The following EPS8 variants were observed in gnomAD, a reference collection of about 807,000 sequenced individuals.
EPS8 encodes the protein epidermal growth factor receptor kinase substrate 8.
In EPS8, 42 loss-of-function variants were observed where a neutral mutation model predicts 103.8. The observed-to-expected ratio is 0.40, with a 90% CI of 0.32 to 0.52. The LOEUF (loss-of-function observed/expected upper bound fraction) is 0.52, where lower values mean the gene tolerates loss of function less well. Among genes scored for constraint, EPS8 ranks in the 20% least tolerant of loss-of-function variants. The pLI is 0.40. For missense variants in EPS8, 969 were observed against 1,005.1 expected (o/e 0.96, Z 0.49); for synonymous variants, 344 against 344.6 (o/e 1.00, Z 0.02).
At chr12:15,660,512 C>T in intron 10 of EPS8, 102 bp downstream of exon 10, 1 of 726,332 alleles carries the variant, frequency 1.4e-6, no homozygotes, top group Non-Finnish European at 2.5e-6. Context: ...GATACACCCG[C>T]CTCGGCCTCC....
intron 3 of EPS8, among the ~76,000 whole-genome samples, chr12:15,677,175 C>T (rs1026807237): frequency 1.3e-5 from 2 of 152,148 alleles, no homozygotes; most frequent in Non-Finnish European, 2.9e-5. Flanking sequence ...AGTGACTCTC[C>T]AGTACCACTC....
At chr12:15,694,723 G>C (rs2135923865) in intron 1 of EPS8, among the ~76,000 whole-genome samples, 1 of 152,160 alleles carries the variant, frequency 6.6e-6, no homozygotes, top group East Asian at 1.9e-4. Context: ...CTCTTCTTGA[G>C]AGTTTACCTG....
At chr12:15,756,911 T>G (rs1008539543) in intron 1 of EPS8, among the ~76,000 whole-genome samples, 1 of 152,220 alleles carries the variant, frequency 6.6e-6, no homozygotes, top group Non-Finnish European at 1.5e-5. Flanking sequence ...AAAACAGCAT[T>G]GACCAGCCTT....
chr12:15,685,145 G>C (rs1002732524), intron 1 of EPS8, among the ~76,000 whole-genome samples: 3 of 152,116 alleles, frequency 2.0e-5, no homozygotes, highest in Non-Finnish European at 4.4e-5. Flanking sequence ...CTATAATTTG[G>C]GCCAGAACAG....
intron 1 of EPS8, among the ~76,000 whole-genome samples, chr12:15,766,454 C>T (rs1022724743): frequency 4.0e-5 from 6 of 149,180 alleles, no homozygotes; most frequent in South Asian, 2.1e-4. Context: ...GCCGAGATTG[C>T]GCCACTGCAC....
At chr12:15,742,846 T>C (rs1946839052) in intron 1 of EPS8, among the ~76,000 whole-genome samples, 1 of 152,172 alleles carries the variant, frequency 6.6e-6, no homozygotes, top group African/African-American at 2.4e-5. Context: ...CTTTGAAAAC[T>C]GGCACAAGAC....
At position 15,666,866 on chromosome 12, in the gene EPS8, G is replaced by A. The variant is rs182276461; in HGVS notation, c.517-344C>T. On this transcript the variant is annotated intron_variant, in intron 6 of 20. Transcript: ENST00000281172. ...AAGGGGTTAGAGGCTCCCACACATA[G>A]AACAGAGTTCCTTCCCTTTCTCATC... Among the ~76,000 whole-genome samples the A allele has an allele frequency of 5.7e-3, 866 of 152,252 alleles. 1 individual carries two copies. The highest frequency in any genetic ancestry group is 0.01 in the Middle Eastern group (3 of 294).
At chr12:15,659,730 C>T (rs892152903) in intron 10 of EPS8, among the ~76,000 whole-genome samples, 2 of 152,060 alleles carry the variant, frequency 1.3e-5, no homozygotes, top group Admixed American at 6.5e-5. Context: ...TCAATCTCTA[C>T]CATTTTGTCA....
chr12:15,724,849 C>T (rs140483655), intron 1 of EPS8, among the ~76,000 whole-genome samples: 1 of 152,260 alleles, frequency 6.6e-6, no homozygotes, highest in Non-Finnish European at 1.5e-5. Context: ...ACTGTGAGTC[C>T]ATTAAACCTC....
chr12:15,650,806 G>GT lies in EPS8; in HGVS notation c.1434+16dup, dbSNP rs1945399498. On this transcript the variant is annotated intron_variant, in intron 14 of 20. Coordinates refer to ENST00000281172, the MANE Select transcript of EPS8 (RefSeq NM_004447.6). ...AATTACACTGTCTACAGAGGGCAAT[G>GT]TTAAAAAAAAAACTACCTCTGTGGA... 6.3e-7 allele frequency: 1 copy of GT among 1,597,008 alleles called. No homozygotes were observed. Among genetic ancestry groups the GT allele is most frequent in the South Asian group, 1.1e-5 (1 of 90,132 alleles).
Position 15,760,767 on chromosome 12 carries a change from C to T in EPS8, c.-22+28394G>A, listed in dbSNP as rs1052364003. On this transcript the variant is annotated intron_variant, in intron 1 of 20. Transcript: ENST00000281172. The surrounding 1 kb of genome is among the most constrained non-coding windows in gnomAD (Gnocchi z 4.5). ...TTTAACATCCCTTCATGATAAAAAC[C>T]CTCAAAAAGCTGGGAACAGAAAGAA... Among the ~76,000 whole-genome samples, 7 of 151,926 alleles carry T rather than the reference C, an allele frequency of 4.6e-5. No individual in the cohort carries two copies. Among genetic ancestry groups the T allele is most frequent in the Non-Finnish European group, 8.8e-5 (6 of 67,852 alleles).
intron 10 of EPS8, 145 bp downstream of exon 10, chr12:15,660,469 G>GA: frequency 3.2e-6 from 2 of 616,626 alleles, no homozygotes. Flanking sequence ...TCATCACATT[G>GA]GTCAGGCTAG....
chr12:15,762,381 C>A lies in EPS8; in HGVS notation c.-22+26780G>T, dbSNP rs187503763. Among the ~76,000 whole-genome samples, 556 of 152,214 alleles carry A rather than the reference C, an allele frequency of 3.7e-3. 1 individual carries two copies. Among genetic ancestry groups the A allele is most frequent in the Middle Eastern group, 6.8e-3 (2 of 294 alleles). ...CGCTATGCAGAACAGTTTGGCGGTG[C>A]CTCAAAAAACTAAAAGGAGAGCTAC... On this transcript the variant is annotated intron_variant, in intron 1 of 20. Transcript: ENST00000281172. This position sits in a 1 kb window ranked among gnomAD's most constrained non-coding sequence, Gnocchi z 4.8.
Position 15,769,233 on chromosome 12 carries a change from AC to A in EPS8, c.-22+19927del, listed in dbSNP as rs1483617605. Among the ~76,000 whole-genome samples the A allele has an allele frequency of 5.3e-5, 8 of 152,244 alleles. No individual in the cohort carries two copies. Among genetic ancestry groups the A allele is most frequent in the African/African-American group, 1.9e-4 (8 of 41,468 alleles). Reference sequence around the variant, plus strand: ...GGCAAAATAAATTGACATATGCTTAACAAAAAGCACACAAAAAATAAGAGAT... The same window carrying A: ...GGCAAAATAAATTGACATATGCTTAAAAAAAGCACACAAAAAATAAGAGAT... On this transcript the variant is annotated intron_variant, in intron 1 of 20. Transcript: ENST00000281172. The surrounding 1 kb of genome is among the most constrained non-coding windows in gnomAD (Gnocchi z 4.6).
At chr12:15,699,729 T>TCC (rs1946288424) in intron 1 of EPS8, among the ~76,000 whole-genome samples, 2 of 152,184 alleles carry the variant, frequency 1.3e-5, no homozygotes, top group African/African-American at 2.4e-5. Context: ...AAACCCTCAT[T>TCC]CCCACCACTG....
chr12:15,623,370 T>C lies in EPS8; in HGVS notation c.2226-83A>G. 3.1e-6 allele frequency: 4 copies of C among 1,280,696 alleles called. No individual in the cohort carries two copies. The East Asian group carries it at 9.3e-5, about 30-fold the overall frequency. 79.3% of individuals were successfully genotyped at this position (1,280,696 alleles called of 1,614,324 possible). On this transcript the variant is annotated intron_variant, in intron 19 of 20. Transcript: ENST00000281172. ...GGAGAAAATTATCTGTTCCTGCTAG[T>C]AACTTCTCTTTTCTAAGCGTTCCAT...
rs907496206 is a variant in EPS8, at chr12:15,771,199, A to G, written c.-22+17962T>C. The stretch of plus-strand genomic sequence containing the variant: ...TAGAGATAAATTAAAAAGTTATTCC[A>G]AATATAGACAAGAGGGACACTGAAG... On this transcript the variant is annotated intron_variant, in intron 1 of 20. Coordinates refer to ENST00000281172, the MANE Select transcript of EPS8 (RefSeq NM_004447.6). This position sits in a 1 kb window ranked among gnomAD's most constrained non-coding sequence, Gnocchi z 4.6. Among the ~76,000 whole-genome samples the G allele has an allele frequency of 2.0e-5, 3 of 152,224 alleles. No individual in the cohort carries two copies. The highest frequency in any genetic ancestry group is 7.2e-5 in the African/African-American group (3 of 41,466).
Position 15,631,481 on chromosome 12 carries a change from C to T in EPS8, c.2005G>A (p.Val669Met), listed in dbSNP as rs773161130. 1.9e-5 allele frequency: 31 copies of T among 1,613,902 alleles called. No individual in the cohort carries two copies. The highest frequency in any genetic ancestry group is 5.5e-5 in the South Asian group (5 of 91,082). ...TGTTTGTGTCTCTGGCTGTCTCGCA[C>T]GATACTGCCACCACTGTCACTGGAG... ...SSSSDSGGSI[V>M]RDSQRHKQLP... The change falls in exon 18 of 21, where the codon GTG (valine) becomes ATG (methionine). Residue 669 changes from valine (V) to methionine (M), a missense_variant. Val to Met is a conservative substitution (Grantham distance 21). Coordinates refer to ENST00000281172, the MANE Select transcript of EPS8 (RefSeq NM_004447.6).
chr12:15,658,051 A>T (rs756914223), intron 12 of EPS8, 28 bp downstream of exon 12: 1 of 1,394,630 alleles, frequency 7.2e-7, no homozygotes, highest in Non-Finnish European at 1.0e-6. Flanking sequence ...ACTAAGAACG[A>T]TTCTTTCTTA....
Sources: allele counts gnomAD v4.1 joint callset (sites outside exome capture counted in the v4.1 genomes callset), GRCh38; gene constraint gnomAD v4.1.1; non-coding constraint Gnocchi (gnomAD v3.1); transcripts MANE v1.5; gene names NCBI Gene and HGNC (gene_info 2026-07-23, HGNC 2026-07-21).